The following SLC6A17 variants were observed in gnomAD, a reference collection of about 807,000 sequenced individuals.
SLC6A17 encodes sodium-dependent neutral amino acid transporter SLC6A17.
In SLC6A17, 21 loss-of-function variants were observed where a neutral mutation model predicts 64.5. The observed-to-expected ratio is 0.33, with a 90% CI of 0.23 to 0.47. The LOEUF (loss-of-function observed/expected upper bound fraction) is 0.47, where lower values mean the gene tolerates loss of function less well. Ranked by LOEUF, SLC6A17 falls within the 20% of genes least tolerant of loss-of-function variation. The probability of loss-of-function intolerance (pLI) is 1.00; values close to 1 mark genes in which losing one functional copy is unlikely to be tolerated. For synonymous variants in SLC6A17, 372 were observed against 399.5 expected, an observed-to-expected ratio of 0.93 and a Z score of 0.82; for missense variants, 682 against 963.2, an observed-to-expected ratio of 0.71 and a Z score of 3.86.
intron 11 of SLC6A17, 94 bp from the exon 12 acceptor site, chr1:110,197,982 G>C: frequency 6.6e-7 from 1 of 1,515,162 alleles, no homozygotes; most frequent in South Asian, 1.3e-5. Flanking sequence ...GGAGTGGAAG[G>C]CCATGGGTGA....
intron 1 of SLC6A17, among the ~76,000 whole-genome samples, chr1:110,156,562 C>T (rs1382161067): frequency 1.3e-5 from 2 of 152,172 alleles, no homozygotes; most frequent in East Asian, 1.9e-4. Context: ...TCTGAATCCC[C>T]GCTCTTCCAT....
intron 6 of SLC6A17, among the ~76,000 whole-genome samples, chr1:110,184,879 A>G (rs12067474): frequency 6.6e-6 from 1 of 152,218 alleles, no homozygotes; most frequent in South Asian, 2.1e-4. Context: ...TCATGGGTAC[A>G]TCTGGAGAAG....
chr1:110,182,670 G>C (rs1052060498), intron 6 of SLC6A17, among the ~76,000 whole-genome samples: 2 of 151,666 alleles, frequency 1.3e-5, no homozygotes, highest in African/African-American at 4.9e-5. Flanking sequence ...TCTAGATGCA[G>C]AGTGAAGAAA....
intron 6 of SLC6A17, among the ~76,000 whole-genome samples, chr1:110,181,320 C>T (rs1053186006): frequency 7.2e-5 from 11 of 152,224 alleles, no homozygotes; most frequent in Non-Finnish European, 1.5e-4. Context: ...ATTTGTCCTA[C>T]AGATGTACTC....
chr1:110,172,407 G>C, intron 3 of SLC6A17, 190 bp downstream of exon 3: 1 of 709,440 alleles, frequency 1.4e-6, no homozygotes, highest in South Asian at 2.0e-5. Context: ...TAAACTGAGA[G>C]TCGACCACGT....
chr1:110,165,296 G>C (rs1288219597), intron 1 of SLC6A17, among the ~76,000 whole-genome samples: 1 of 152,154 alleles, frequency 6.6e-6, no homozygotes, highest in African/African-American at 2.4e-5. Context: ...TTCCACAGAT[G>C]CACAAGTGCC....
chr1:110,175,210 T>C (rs1656342651), intron 5 of SLC6A17, among the ~76,000 whole-genome samples: 1 of 152,168 alleles, frequency 6.6e-6, no homozygotes, highest in African/African-American at 2.4e-5. Context: ...TCAGTCCTGC[T>C]CTAATGCAAA....
At chr1:110,193,937 G>A (rs1656895007) in intron 8 of SLC6A17, among the ~76,000 whole-genome samples, 1 of 152,228 alleles carries the variant, frequency 6.6e-6, no homozygotes, top group African/African-American at 2.4e-5. Flanking sequence ...AGGGCAACGT[G>A]TAAGTGACAG....
chr1:110,153,150 C>T (rs1442293397), intron 1 of SLC6A17, among the ~76,000 whole-genome samples: 1 of 152,180 alleles, frequency 6.6e-6, no homozygotes, highest in Non-Finnish European at 1.5e-5. Context: ...GACCTTGACT[C>T]CTTGGGGTTG....
chr1:110,178,788 G>A (rs1199764914), intron 6 of SLC6A17: 1 of 152,056 alleles, frequency 6.6e-6, no homozygotes, highest in Non-Finnish European at 1.5e-5. Context: ...TCCCGTCAGG[G>A]CTCCACCGTC....
intron 2 of SLC6A17, among the ~76,000 whole-genome samples, chr1:110,171,826 C>A (rs1656232561): frequency 6.6e-6 from 1 of 152,088 alleles, no homozygotes; most frequent in Non-Finnish European, 1.5e-5. Flanking sequence ...ACATACACTT[C>A]CTCCCTTAGT....
At chr1:110,196,404 G>A (rs1282235922) in intron 10 of SLC6A17, among the ~76,000 whole-genome samples, 2 of 152,158 alleles carry the variant, frequency 1.3e-5, no homozygotes, top group African/African-American at 4.8e-5. Flanking sequence ...CCTCCCTGAT[G>A]CCTGGACCTG....
chr1:110,152,012 G>C (rs1655622853), intron 1 of SLC6A17, among the ~76,000 whole-genome samples: 1 of 152,110 alleles, frequency 6.6e-6, no homozygotes, highest in African/African-American at 2.4e-5. Context: ...AAAAAAATTC[G>C]GCCAAAACTT....
Position 110,167,170 on chromosome 1 carries a change from G to A in SLC6A17, c.241G>A (p.Gly81Ser), listed in dbSNP as rs1252199706. The change falls in exon 2 of 12, where the codon GGC becomes AGC. Residue 81 changes from glycine to serine, a missense_variant. Transcript: ENST00000331565. ...LAQIGFSVGL[G>S]NIWRFPYLCQ... Reference sequence around the variant, plus strand: ...CCAGATTGGCTTCTCTGTGGGCCTCGGCAACATCTGGAGGTTCCCCTACCT... The same window carrying A: ...CCAGATTGGCTTCTCTGTGGGCCTCAGCAACATCTGGAGGTTCCCCTACCT... 3.7e-6 allele frequency: 6 copies of A among 1,613,596 alleles called. No homozygotes were observed. Among genetic ancestry groups the A allele is most frequent in the Admixed American group, 1.7e-5 (1 of 59,964 alleles).
chr1:110,194,860 A>T, intron 9 of SLC6A17, 89 bp downstream of exon 9: 1 of 1,511,070 alleles, frequency 6.6e-7, no homozygotes, highest in Middle Eastern at 1.7e-4. Flanking sequence ...GTCCTTCATG[A>T]CCCCACACCC....
chr1:110,195,888 G>A (rs1378559317), intron 10 of SLC6A17, 143 bp downstream of exon 10: 7 of 1,228,702 alleles, frequency 5.7e-6, no homozygotes, highest in East Asian at 5.1e-5. Context: ...TGTAGTGCAA[G>A]GACATGGCTG....
intron 6 of SLC6A17, among the ~76,000 whole-genome samples, chr1:110,180,631 G>A (rs1656498211): frequency 6.6e-6 from 1 of 152,172 alleles, no homozygotes; most frequent in Non-Finnish European, 1.5e-5. Flanking sequence ...AACTACTGTT[G>A]CAGAGCTGTG....
chr1:110,198,485 C>CCT lies in SLC6A17; in HGVS notation c.*42_*43dup. 6.4e-7 allele frequency: 1 copy of CCT among 1,571,858 alleles called. No individual in the cohort carries two copies. The highest frequency in any genetic ancestry group is 1.2e-5 in the South Asian group (1 of 83,430). On this transcript the variant is annotated 3_prime_UTR_variant, in exon 12 of 12. Coordinates refer to ENST00000331565, the MANE Select transcript of SLC6A17 (RefSeq NM_001010898.4). The stretch of plus-strand genomic sequence containing the variant: ...TGCCCGCCTCTCCCCCCACGCTCAA[C>CCT]CTGCCCACTTGTCCAGGCCTGGCCT...
intron 1 of SLC6A17, among the ~76,000 whole-genome samples, chr1:110,160,313 C>A (rs551058378): frequency 2.0e-5 from 3 of 152,234 alleles, no homozygotes; most frequent in Admixed American, 1.3e-4. Context: ...TTTTACCCCG[C>A]CTCTTTGTTT....
Sources: gnomAD v4.1 joint callset for allele counts (sites outside exome capture counted in the v4.1 genomes callset) on GRCh38, gnomAD v4.1.1 for gene constraint, MANE v1.5 for transcripts, NCBI Gene and HGNC (gene_info 2026-07-23, HGNC 2026-07-21) for gene names.